Variants in TNFRSF13B observed in about 807,000 individuals in gnomAD.
TNFRSF13B encodes tumor necrosis factor receptor superfamily member 13B.
A neutral mutation model predicts 24.0 loss-of-function variants in TNFRSF13B; 34 were observed. The observed-to-expected ratio is 1.41, with a 90% CI of 1.08 to 1.88. The LOEUF is 1.88. Among genes scored for constraint, TNFRSF13B ranks in the 40% most tolerant of loss-of-function variants. The probability of loss-of-function intolerance (pLI) is 0.00; values close to 1 mark genes in which losing one functional copy is unlikely to be tolerated. For missense variants in TNFRSF13B, 415 were observed against 380.8 expected, an observed-to-expected ratio of 1.09 and a Z score of -0.75; for synonymous variants, 173 against 150.3, an observed-to-expected ratio of 1.15 and a Z score of -1.10.
rs112220128 is a variant in TNFRSF13B, at chr17:16,942,325, C to T, written c.446-1814G>A. Among the ~76,000 whole-genome samples, 1,025 of 152,300 alleles carry T rather than the reference C, an allele frequency of 6.7e-3. 8 individuals are homozygous for T. The Middle Eastern group carries it at 0.075, about 11-fold the overall frequency. On this transcript the variant is annotated intron_variant, in intron 3 of 4. Transcript: ENST00000261652. ...TCCAAGCCCGCGGGCCACACAGCGG[C>T]CCCAGGGCTGGCACTGCCCGTCTTC...
At chr17:16,967,130 C>T (rs1305132267) in intron 1 of TNFRSF13B, among the ~76,000 whole-genome samples, 2 of 152,010 alleles carry the variant, frequency 1.3e-5, no homozygotes, top group African/African-American at 2.4e-5. Flanking sequence ...TGAGCCACCA[C>T]GCCTGGCCAA....
chr17:16,939,243 A>C lies in TNFRSF13B; in HGVS notation c.*304T>G, dbSNP rs1414161809. The stretch of plus-strand genomic sequence containing the variant: ...TCAGAGTGCCCCGACCTCCTGCTCT[A>C]TCTCTCTCTGTCCCTCTCTCCCTCT... On this transcript the variant is annotated 3_prime_UTR_variant, in exon 5 of 5. Coordinates refer to ENST00000261652, the MANE Select transcript of TNFRSF13B (RefSeq NM_012452.3). 4.3e-4 allele frequency: 122 copies of C among 280,874 alleles called. No individual in the cohort carries two copies. The highest frequency in any genetic ancestry group is 1.1e-3 in the Middle Eastern group (1 of 952). 17.4% of individuals were successfully genotyped at this position (280,874 alleles called of 1,614,324 possible).
At chr17:16,944,460 A>G (rs111459335) in intron 3 of TNFRSF13B, among the ~76,000 whole-genome samples, 274 of 152,296 alleles carry the variant, frequency 1.8e-3, no homozygotes, top group African/African-American at 6.1e-3. Flanking sequence ...AGCTTGCTCC[A>G]GGTCACACAG....
rs2143641371 is a variant in TNFRSF13B, at chr17:16,940,149, C to T, written c.631+177G>A. ...ACCCACCCTTCCCGGGTGCCACTCT[C>T]CCAGTTATCTGTCTGCCAGGATGTC... On this transcript the variant is annotated intron_variant, in intron 4 of 4. Transcript: ENST00000261652. 11 of 1,468,514 alleles carry T rather than the reference C, an allele frequency of 7.5e-6. No individual in the cohort carries two copies. In the South Asian group the frequency reaches 1.5e-4, roughly 20 times the overall value. The allele number at this position is 1,468,514 out of a possible 1,614,324, so 91.0% of individuals were successfully genotyped here. A position where few individuals can be genotyped will look rare whatever the true frequency, so the allele number is the denominator to read the frequency against.
intron 3 of TNFRSF13B, among the ~76,000 whole-genome samples, chr17:16,947,244 A>C (rs1468245912): frequency 6.6e-6 from 1 of 152,252 alleles, no homozygotes; most frequent in Non-Finnish European, 1.5e-5. Context: ...CTAAACTATA[A>C]GAATCCTAGA....
At chr17:16,943,209 G>C (rs1015418354) in intron 3 of TNFRSF13B, among the ~76,000 whole-genome samples, 1 of 152,178 alleles carries the variant, frequency 6.6e-6, no homozygotes, top group Non-Finnish European at 1.5e-5. Flanking sequence ...ATGAAGATGA[G>C]GATCTGGTGC....
chr17:16,941,378 T>C (rs1047382911), intron 3 of TNFRSF13B: 45 of 987,564 alleles, frequency 4.6e-5, no homozygotes, highest in Non-Finnish European at 2.0e-5. Context: ...CAGGTTTGGA[T>C]GCCAGAGACA....
At chr17:16,948,422 C>T (rs1259405190) in intron 3 of TNFRSF13B, among the ~76,000 whole-genome samples, 1 of 152,214 alleles carries the variant, frequency 6.6e-6, no homozygotes, top group African/African-American at 2.4e-5. Flanking sequence ...GTGGCTGCTG[C>T]TCAGGTGCTC....
Position 16,939,525 on chromosome 17 carries a change from C to T in TNFRSF13B, c.*22G>A. The T allele has an allele frequency of 6.2e-7, 1 of 1,610,186 alleles. No individual in the cohort carries two copies. The highest frequency in any genetic ancestry group is 8.5e-7 in the Non-Finnish European group (1 of 1,177,932). ...CCTCCTCTCCATCTCTCTCCCTCCT[C>T]CTTTCCCTCCCTGACCCCCATTTAT... On this transcript the variant is annotated 3_prime_UTR_variant, in exon 5 of 5. Coordinates refer to ENST00000261652, the MANE Select transcript of TNFRSF13B (RefSeq NM_012452.3).
chr17:16,962,542 G>A (rs2087670006), intron 1 of TNFRSF13B, among the ~76,000 whole-genome samples: 2 of 151,776 alleles, frequency 1.3e-5, no homozygotes, highest in South Asian at 4.2e-4. Flanking sequence ...AAAAAAGAAA[G>A]GAAAAGAAAG....
At chr17:16,943,804 C>G (rs1453273272) in intron 3 of TNFRSF13B, among the ~76,000 whole-genome samples, 1 of 152,260 alleles carries the variant, frequency 6.6e-6, no homozygotes, top group East Asian at 1.9e-4. Flanking sequence ...TCCTCGTCTT[C>G]TGCCGGACAG....
At position 16,939,375 on chromosome 17, in the gene TNFRSF13B, CTCTG is replaced by C; in HGVS notation, c.*168_*171del. On this transcript the variant is annotated 3_prime_UTR_variant, in exon 5 of 5. Transcript: ENST00000261652. ...TCTTTCCCTCTCTGCCTCTCTTCCC[CTCTG>C]TCTCTCTCTCCCTCTGTCTCTCTCT... 1.3e-6 allele frequency: 1 copy of C among 767,328 alleles called. No individual in the cohort carries two copies. The highest frequency in any genetic ancestry group is 3.3e-5 in the Admixed American group (1 of 30,356). 47.5% of individuals were successfully genotyped at this position (767,328 alleles called of 1,614,324 possible).
chr17:16,960,701 T>TAA (rs2143676393), intron 1 of TNFRSF13B, among the ~76,000 whole-genome samples: 1 of 152,282 alleles, frequency 6.6e-6, no homozygotes, highest in African/African-American at 2.4e-5. Context: ...AATGATATCT[T>TAA]GGATACAGCA....
chr17:16,970,142 A>G lies in TNFRSF13B; in HGVS notation c.61+1873T>C, dbSNP rs80001767. On this transcript the variant is annotated intron_variant, in intron 1 of 4. Transcript: ENST00000261652. ...CTCCTCTACCACCATGTGGACCTAC[A>G]TAAAATCCCAGAACCATCATCAAGT... Among the ~76,000 whole-genome samples the G allele has an allele frequency of 3.1e-3, 467 of 152,308 alleles. 3 individuals carry two copies. The highest frequency in any genetic ancestry group is 0.01 in the African/African-American group (430 of 41,570).
At chr17:16,964,849 C>T (rs927110571) in intron 1 of TNFRSF13B, among the ~76,000 whole-genome samples, 61 of 152,022 alleles carry the variant, frequency 4.0e-4, no homozygotes, top group African/African-American at 1.4e-3. Context: ...GGGGAAAGCA[C>T]GGCTGAGTCA....
intron 4 of TNFRSF13B, 138 bp from the exon 5 acceptor site, chr17:16,939,935 C>G: frequency 8.0e-7 from 1 of 1,242,328 alleles, no homozygotes; most frequent in South Asian, 1.6e-5. Context: ...AGACAGGTGT[C>G]AGTGTCCGCC....
intron 2 of TNFRSF13B, among the ~76,000 whole-genome samples, chr17:16,949,748 C>T (rs562309269): frequency 2.0e-5 from 3 of 151,438 alleles, no homozygotes; most frequent in Non-Finnish European, 2.9e-5. Flanking sequence ...TGCAATGGCA[C>T]GATCTCGGCT....
At chr17:16,942,311 G>A (rs563837328) in intron 3 of TNFRSF13B, among the ~76,000 whole-genome samples, 42 of 152,260 alleles carry the variant, frequency 2.8e-4, no homozygotes, top group African/African-American at 8.7e-4. Flanking sequence ...CCAAGCCCGC[G>A]GGCCACACAG....
intron 2 of TNFRSF13B, among the ~76,000 whole-genome samples, chr17:16,951,316 C>T (rs2087587197): frequency 1.3e-5 from 2 of 152,286 alleles, no homozygotes; most frequent in Non-Finnish European, 2.9e-5. Flanking sequence ...CAGGGAGCTC[C>T]CAGTCTAGTG....
Sources: allele counts gnomAD v4.1 joint callset (sites outside exome capture counted in the v4.1 genomes callset), GRCh38; gene constraint gnomAD v4.1.1; transcripts MANE v1.5; gene names NCBI Gene and HGNC (gene_info 2026-07-23, HGNC 2026-07-21).